ACTN4: variants seen among roughly 807,000 people sequenced by gnomAD.
The protein encoded by ACTN4 is alpha-actinin-4.
In ACTN4, 18 loss-of-function variants were observed where a neutral mutation model predicts 114.2. That is an observed-to-expected ratio of 0.16 (90% CI 0.11 to 0.23). ACTN4 has a LOEUF of 0.23. Ranked by LOEUF, ACTN4 falls within the 10% of genes least tolerant of loss-of-function variation. ACTN4 has a pLI of 1.00. For synonymous variants in ACTN4, 515 were observed against 506.3 expected, an observed-to-expected ratio of 1.02 and a Z score of -0.23; for missense variants, 722 against 1,262.9, an observed-to-expected ratio of 0.57 and a Z score of 6.49.
intron 8 of ACTN4, among the ~76,000 whole-genome samples, chr19:38,711,621 A>G (rs911532117): frequency 1.3e-5 from 2 of 152,096 alleles, no homozygotes; most frequent in Admixed American, 6.5e-5. Context: ...GTGGCATCCT[A>G]GGCTCTCAGG....
chr19:38,702,633 G>A (rs1968319503), intron 3 of ACTN4, among the ~76,000 whole-genome samples: 1 of 152,226 alleles, frequency 6.6e-6, no homozygotes, highest in African/African-American at 2.4e-5. Context: ...GGCTCGAGCT[G>A]CCTCGCTGCA....
intron 11 of ACTN4, among the ~76,000 whole-genome samples, chr19:38,720,275 TC>T (rs1483040829): frequency 1.3e-5 from 2 of 152,138 alleles, no homozygotes; most frequent in African/African-American, 4.8e-5. Flanking sequence ...CGACCCCTTG[TC>T]CCCACTCCAG....
rs1322270922 is a variant in ACTN4 at position 38,731,544 on chromosome 19, G to A, written c.*2112G>A. On this transcript the variant is annotated 3_prime_UTR_variant, in exon 21 of 21. Transcript: ENST00000252699. ...GGCTTTCTCCTTGCCAGTGGGCACTGGAGGATATTTCTGTGCAGCAAAAAA... is the reference window on the plus strand; with the variant it reads ...GGCTTTCTCCTTGCCAGTGGGCACTAGAGGATATTTCTGTGCAGCAAAAAA... 1 of 407,916 alleles carries A rather than the reference G, an allele frequency of 2.5e-6. No homozygotes were observed. Among genetic ancestry groups the A allele is most frequent in the Non-Finnish European group, 4.6e-6 (1 of 217,632 alleles). 25.3% of individuals were successfully genotyped at this position (407,916 alleles called of 1,614,324 possible).
At position 38,730,231 on chromosome 19, in the gene ACTN4, T is replaced by C. The variant is rs1969470948; in HGVS notation, c.*799T>C. On this transcript the variant is annotated 3_prime_UTR_variant, in exon 21 of 21. Transcript: ENST00000252699. ...ACTTTATTAACTTACGGATTTATTATATAAATATATATTCACCTAGCAACA... is the reference window on the plus strand; with the variant it reads ...ACTTTATTAACTTACGGATTTATTACATAAATATATATTCACCTAGCAACA... 1 of 157,444 alleles carries C rather than the reference T, an allele frequency of 6.4e-6. No homozygotes were observed. Among genetic ancestry groups the C allele is most frequent in the Non-Finnish European group, 1.4e-5 (1 of 71,068 alleles). The allele number at this position is 157,444 out of a possible 1,614,324, so 9.8% of individuals were successfully genotyped here.
intron 9 of ACTN4, among the ~76,000 whole-genome samples, chr19:38,716,436 T>G (rs1158954040): frequency 6.6e-6 from 1 of 152,210 alleles, no homozygotes; most frequent in East Asian, 1.9e-4. Context: ...TGGAGCTCAG[T>G]GAAGACAGCG....
chr19:38,673,654 T>C (rs1568690432), intron 1 of ACTN4, among the ~76,000 whole-genome samples: 1 of 64,388 alleles, frequency 1.6e-5, no homozygotes, highest in African/African-American at 5.3e-5. Flanking sequence ...TATTTATATA[T>C]TTATATATAT....
At chr19:38,708,908 A>G (rs1022186509) in intron 6 of ACTN4, among the ~76,000 whole-genome samples, 14 of 152,162 alleles carry the variant, frequency 9.2e-5, no homozygotes, top group Admixed American at 9.2e-4. Context: ...GGCCCCGGCC[A>G]GGGAGAGTTG....
intron 1 of ACTN4, among the ~76,000 whole-genome samples, chr19:38,698,079 C>A (rs143551413): frequency 6.6e-6 from 1 of 152,118 alleles, no homozygotes; most frequent in East Asian, 1.9e-4. Flanking sequence ...GGGAGAGGTG[C>A]TGAGGGTGGG....
Position 38,724,968 on chromosome 19 carries a change from A to G in ACTN4, c.2010+403A>G, listed in dbSNP as rs34563817. Among the ~76,000 whole-genome samples the G allele has an allele frequency of 0.057, 8,705 of 152,242 alleles. 266 individuals carry two copies. The highest frequency in any genetic ancestry group is 0.096 in the South Asian group (464 of 4,832). ...CCCTGTGGTCTCTAGTGGGCTACCT[A>G]TGGGAGGTGGGTTTGATCCCTGAAT... On this transcript the variant is annotated intron_variant, in intron 16 of 20. Transcript: ENST00000252699. This position sits in a 1 kb window ranked among gnomAD's most constrained non-coding sequence, Gnocchi z 7.0.
chr19:38,669,699 C>T (rs531633831), intron 1 of ACTN4, among the ~76,000 whole-genome samples: 12 of 152,214 alleles, frequency 7.9e-5, no homozygotes, highest in African/African-American at 2.4e-4. Flanking sequence ...CGGAGCCCAG[C>T]GTGGCCTCAG....
chr19:38,705,428 G>C (rs1221527138), intron 4 of ACTN4, among the ~76,000 whole-genome samples: 1 of 152,182 alleles, frequency 6.6e-6, no homozygotes, highest in East Asian at 1.9e-4. Flanking sequence ...ATGAGCTCAG[G>C]CCGTCCAGGA....
intron 1 of ACTN4, among the ~76,000 whole-genome samples, chr19:38,650,080 G>T (rs1976515148): frequency 6.6e-6 from 1 of 152,198 alleles, no homozygotes; most frequent in Non-Finnish European, 1.5e-5. Context: ...AAGAGACCTG[G>T]AAAGTTGGGA....
At chr19:38,708,064 ACT>A in intron 5 of ACTN4, 51 bp from the exon 6 acceptor site, 1 of 1,559,092 alleles carries the variant, frequency 6.4e-7, no homozygotes, top group African/African-American at 1.4e-5. Flanking sequence ...GCCATACGGC[ACT>A]CTCATGACAG....
chr19:38,697,913 C>T (rs1043441767), intron 1 of ACTN4, among the ~76,000 whole-genome samples: 11 of 152,238 alleles, frequency 7.2e-5, no homozygotes, highest in Non-Finnish European at 1.5e-4. Flanking sequence ...CTGGGCTCCA[C>T]GCCTGCTTGC....
rs762977264 is a variant in ACTN4 at position 38,723,647 on chromosome 19, C to T, written c.1476C>T (p.Asn492=). 1.2e-6 allele frequency: 2 copies of T among 1,613,494 alleles called. No individual in the cohort carries two copies. The highest frequency in any genetic ancestry group is 2.2e-5 in the South Asian group (2 of 90,950). Residue 492 remains asparagine (N), a synonymous_variant, in exon 13 of 21, where the codon AAC becomes AAT. Coordinates refer to ENST00000252699, the MANE Select transcript of ACTN4 (RefSeq NM_004924.6). ...ATTACTACGACTCCCACAATGTCAA[C>T]ACCCGGTGCCAGAAGATCTGTGACC... The part of the protein sequence containing the change: ...ELDYYDSHNV[N]TRCQKICDQW...
At chr19:38,699,737 A>G (rs1014978944) in intron 1 of ACTN4, among the ~76,000 whole-genome samples, 14 of 151,298 alleles carry the variant, frequency 9.3e-5, no homozygotes, top group Non-Finnish European at 1.5e-4. Context: ...CCTGGGTGAC[A>G]GAGCGAGACT....
At position 38,724,646 on chromosome 19, in the gene ACTN4, GC is replaced by G; in HGVS notation, c.2010+83del. The G allele has an allele frequency of 6.2e-7, 1 of 1,602,560 alleles. No homozygotes were observed. The highest frequency in any genetic ancestry group is 1.7e-5 in the Admixed American group (1 of 59,954). The stretch of plus-strand genomic sequence containing the variant: ...TGAGGGGGTCCCCGGCCAGCCCAGG[GC>G]CTGCAGACTGAGGCGCCTGGCAGAG... On this transcript the variant is annotated intron_variant, in intron 16 of 20. Transcript: ENST00000252699. The surrounding 1 kb of genome is among the most constrained non-coding windows in gnomAD (Gnocchi z 7.0).
At position 38,717,706 on chromosome 19, in the gene ACTN4, A is replaced by C. The variant is rs1968890484; in HGVS notation, c.1144-221A>C. Among the ~76,000 whole-genome samples, 1 of 152,128 alleles carries C rather than the reference A, an allele frequency of 6.6e-6. No individual in the cohort carries two copies. Among genetic ancestry groups the C allele is most frequent in the Admixed American group, 6.5e-5 (1 of 15,272 alleles). ...ATCTATGGTATTCATCCATTCATTC[A>C]TGCACTCACCCGTTCACGCATTCAT... is the stretch of plus-strand genomic sequence containing the variant. On this transcript the variant is annotated intron_variant, in intron 10 of 20. Coordinates refer to ENST00000252699, the MANE Select transcript of ACTN4 (RefSeq NM_004924.6). The surrounding 1 kb of genome is among the most constrained non-coding windows in gnomAD (Gnocchi z 4.0).
intron 1 of ACTN4, among the ~76,000 whole-genome samples, chr19:38,648,994 G>A (rs975767572): frequency 6.6e-6 from 1 of 151,834 alleles, no homozygotes; most frequent in African/African-American, 2.4e-5. Flanking sequence ...GGAATTTGAG[G>A]AGGGGGTGCT....
Sources: gnomAD v4.1 joint callset for allele counts (sites outside exome capture counted in the v4.1 genomes callset) on GRCh38, gnomAD v4.1.1 for gene constraint, Gnocchi (gnomAD v3.1) non-coding constraint, MANE v1.5 for transcripts, NCBI Gene and HGNC (gene_info 2026-07-23, HGNC 2026-07-21) for gene names.